The following RSRC1 variants were observed in gnomAD, a reference collection of about 807,000 sequenced individuals.
RSRC1 encodes arginine and serine rich coiled-coil 1.
A neutral mutation model predicts 49.1 loss-of-function variants in RSRC1; 39 were observed. That is an observed-to-expected ratio of 0.79 (90% CI 0.61 to 1.04). The LOEUF (loss-of-function observed/expected upper bound fraction) is 1.04. Ranked by LOEUF, RSRC1 falls within the 50% of genes least tolerant of loss-of-function variation. The pLI is 0.00. For missense variants in RSRC1, 388 were observed against 402.4 expected (o/e 0.96, Z 0.31); for synonymous variants, 143 against 130.8 (o/e 1.09, Z -0.63).
chr3:158,184,813 G>T (rs1719832128), intron 3 of RSRC1, among the ~76,000 whole-genome samples: 1 of 151,904 alleles, frequency 6.6e-6, no homozygotes, highest in South Asian at 2.1e-4. Context: ...AATAAAATTT[G>T]CTATAATTAA....
At chr3:158,157,055 T>A (rs1717920718) in intron 3 of RSRC1, among the ~76,000 whole-genome samples, 1 of 152,222 alleles carries the variant, frequency 6.6e-6, no homozygotes, top group Admixed American at 6.5e-5. Context: ...TGCCTGTACG[T>A]TATTTAGCAA....
At chr3:158,422,241 A>C in intron 6 of RSRC1, among the ~76,000 whole-genome samples, 1 of 106,600 alleles carries the variant, frequency 9.4e-6, no homozygotes, top group Non-Finnish European at 1.8e-5. Flanking sequence ...CCACCCCACA[A>C]CAGTCACCAG....
At chr3:158,434,954 G>C (rs1735970332) in intron 6 of RSRC1, among the ~76,000 whole-genome samples, 1 of 151,854 alleles carries the variant, frequency 6.6e-6, no homozygotes, top group Non-Finnish European at 1.5e-5. Flanking sequence ...AAAGAGATGG[G>C]ATGAAATTAG....
At chr3:158,350,179 A>ATAATTT (rs1730792537) in intron 5 of RSRC1, among the ~76,000 whole-genome samples, 2 of 126,560 alleles carry the variant, frequency 1.6e-5, no homozygotes, top group African/African-American at 5.9e-5. Flanking sequence ...TATATATATA[A>ATAATTT]TTTTTTTTTT....
intron 6 of RSRC1, among the ~76,000 whole-genome samples, chr3:158,382,403 A>G (rs753405955): frequency 2.3e-4 from 35 of 152,320 alleles, no homozygotes; most frequent in Middle Eastern, 3.4e-3. Context: ...TTATTATGCT[A>G]TGCTTTTATA....
intron 3 of RSRC1, among the ~76,000 whole-genome samples, chr3:158,141,545 G>A (rs7627534): frequency 0.025 from 3,863 of 152,260 alleles, 147 homozygotes; most frequent in African/African-American, 0.089. Context: ...ATGAGCTAAG[G>A]TAGGAGGCAG....
At chr3:158,266,496 T>G (rs1487988800) in intron 4 of RSRC1, among the ~76,000 whole-genome samples, 1 of 152,188 alleles carries the variant, frequency 6.6e-6, no homozygotes, top group East Asian at 1.9e-4. Context: ...TATTTTAGTG[T>G]TCTACACTTG....
intron 7 of RSRC1, among the ~76,000 whole-genome samples, chr3:158,479,060 G>A (rs1024846110): frequency 4.0e-5 from 6 of 150,316 alleles, no homozygotes; most frequent in African/African-American, 1.2e-4. Context: ...TGTATTTTTG[G>A]AATTTACCAG....
At chr3:158,534,933 C>G (rs1246777772) in intron 7 of RSRC1, among the ~76,000 whole-genome samples, 1 of 151,216 alleles carries the variant, frequency 6.6e-6, no homozygotes, top group Non-Finnish European at 1.5e-5. Context: ...TAAACACAAA[C>G]TTAGTAAAAA....
rs189869183 is a variant in RSRC1, at chr3:158,450,651, A to G, written c.584-10284A>G. Among the ~76,000 whole-genome samples, 401 of 152,022 alleles carry G rather than the reference A, an allele frequency of 2.6e-3. 2 individuals carry two copies. Among genetic ancestry groups the G allele is most frequent in the Non-Finnish European group, 4.4e-3 (302 of 67,888 alleles). ...ATGACCATAGTTTTATAGTCTTTAT[A>G]TATGCAGAAGTAGCAGCTATGTCCA... On this transcript the variant is annotated intron_variant, in intron 6 of 9. Transcript: ENST00000611884.
chr3:158,430,076 A>AAAAATAAAAT (rs59953349), intron 6 of RSRC1, among the ~76,000 whole-genome samples: 2,322 of 149,644 alleles, frequency 0.016, 57 homozygotes, highest in African/African-American at 0.05. Context: ...CACACACAAA[A>AAAAATAAAAT]AAAATAAAAT....
intron 1 of RSRC1, among the ~76,000 whole-genome samples, chr3:158,112,919 G>C (rs1281057328): frequency 1.3e-5 from 2 of 152,074 alleles, no homozygotes; most frequent in Non-Finnish European, 2.9e-5. Flanking sequence ...TCCTGCGTTA[G>C]TTTGATGAGT....
rs531704856 is a variant in RSRC1 at position 158,350,028 on chromosome 3, A to G, written c.532-4829A>G. Among the ~76,000 whole-genome samples the G allele has an allele frequency of 4.5e-4, 68 of 151,734 alleles. 1 individual carries two copies. Among genetic ancestry groups the G allele is most frequent in the Admixed American group, 4.4e-3 (67 of 15,234 alleles). The stretch of plus-strand genomic sequence containing the variant: ...TGATCTATTAATTCTATTAATGTCA[A>G]CACTACCATTTATGTTTTAAGGGAG... On this transcript the variant is annotated intron_variant, in intron 5 of 9. Coordinates refer to ENST00000611884, the MANE Select transcript of RSRC1 (RefSeq NM_001271838.2).
intron 7 of RSRC1, among the ~76,000 whole-genome samples, chr3:158,517,192 A>G (rs200817072): frequency 3.7e-5 from 1 of 27,260 alleles, no homozygotes; most frequent in African/African-American, 3.1e-4. Flanking sequence ...TTTACAATTA[A>G]TTTTCTGTTC....
intron 6 of RSRC1, among the ~76,000 whole-genome samples, chr3:158,432,886 G>A (rs1335869251): frequency 6.6e-6 from 1 of 151,678 alleles, no homozygotes; most frequent in African/African-American, 2.4e-5. Flanking sequence ...CACACAGAGT[G>A]AGTCTATGTA....
intron 6 of RSRC1, among the ~76,000 whole-genome samples, chr3:158,442,569 C>G (rs756744059): frequency 1.3e-5 from 2 of 152,086 alleles, no homozygotes; most frequent in Non-Finnish European, 2.9e-5. Context: ...ACATCCTCCA[C>G]TGAAGTCTTG....
At chr3:158,122,844 C>CT (rs1374265340) in intron 2 of RSRC1, among the ~76,000 whole-genome samples, 11 of 152,020 alleles carry the variant, frequency 7.2e-5, no homozygotes, top group African/African-American at 2.4e-4. Flanking sequence ...GTTTTTTGTC[C>CT]TTGCGATAGT....
At chr3:158,432,849 T>C (rs1735842915) in intron 6 of RSRC1, among the ~76,000 whole-genome samples, 1 of 151,930 alleles carries the variant, frequency 6.6e-6, no homozygotes, top group East Asian at 1.9e-4. Flanking sequence ...TGAAGACATT[T>C]ATCTAGAAAT....
intron 7 of RSRC1, 33 bp downstream of exon 7, chr3:158,461,036 T>C (rs1343725973): frequency 1.3e-6 from 2 of 1,505,200 alleles, no homozygotes; most frequent in Non-Finnish European, 1.8e-6. Flanking sequence ...CTCTGAGAAA[T>C]CACTATTTGG....
Sources: allele counts gnomAD v4.1 joint callset (sites outside exome capture counted in the v4.1 genomes callset), GRCh38; gene constraint gnomAD v4.1.1; transcripts MANE v1.5; gene names NCBI Gene and HGNC (gene_info 2026-07-23, HGNC 2026-07-21).